Variants in GYS2 observed in about 807,000 individuals in gnomAD.
The protein encoded by GYS2 is glycogen [starch] synthase, liver.
A neutral mutation model predicts 85.6 loss-of-function variants in GYS2; 80 were observed. The observed-to-expected ratio is 0.93, with a 90% CI of 0.78 to 1.13. The LOEUF (loss-of-function observed/expected upper bound fraction) is 1.13, where lower values mean the gene tolerates loss of function less well. Among genes scored for constraint, GYS2 ranks in the 50% most tolerant of loss-of-function variants. The pLI is 0.00. For missense variants in GYS2, 881 were observed against 854.9 expected (o/e 1.03, Z -0.38); for synonymous variants, 328 against 300.7 (o/e 1.09, Z -0.94).
In GYS2 at chr12:21,542,532, A is replaced by C; in HGVS notation, c.1609T>G (p.Phe537Val). Residue 537 changes from phenylalanine to valine, a missense_variant, in exon 13 of 16, where the codon TTC becomes GTC. Coordinates refer to ENST00000261195, the MANE Select transcript of GYS2 (RefSeq NM_021957.4). ...GGATCAGCCACGTGCTCCTGCATGAAACAGCCAAACCCGGAGAGATTCGTG... is the reference window on the plus strand; with the variant it reads ...GGATCAGCCACGTGCTCCTGCATGACACAGCCAAACCCGGAGAGATTCGTG... ...VTTNLSGFGC[F>V]MQEHVADPTA... 6.2e-7 allele frequency: 1 copy of C among 1,613,824 alleles called. No homozygotes were observed. Among genetic ancestry groups the C allele is most frequent in the Non-Finnish European group, 8.5e-7 (1 of 1,179,722 alleles).
At chr12:21,557,589 T>C (rs1944195591) in intron 11 of GYS2, among the ~76,000 whole-genome samples, 2 of 152,178 alleles carry the variant, frequency 1.3e-5, no homozygotes, top group South Asian at 2.1e-4. Context: ...CTTAGAATAA[T>C]TGGTATCATT....
Position 21,559,122 on chromosome 12 carries a change from G to A in GYS2, c.1277C>T (p.Thr426Ile), listed in dbSNP as rs150557084. Residue 426 changes from threonine (T) to isoleucine (I), a missense_variant, in exon 10 of 16, where the codon ACA (threonine) becomes ATA (isoleucine). Physicochemically the swap from Thr to Ile is moderately conservative, Grantham distance 89. Coordinates refer to ENST00000261195, the MANE Select transcript of GYS2 (RefSeq NM_021957.4). The stretch of plus-strand genomic sequence containing the variant: ...TGAAAAGATGGCTCTTTTCATAATT[G>A]TTAGATCATCTCGATCTAAAATATC... ...LNDILDRDDLTIMKRAIFSTQ... is the reference protein window; with the variant it reads ...LNDILDRDDLIIMKRAIFSTQ... 58 of 1,608,170 alleles carry A rather than the reference G, an allele frequency of 3.6e-5. No homozygotes were observed. The highest frequency in any genetic ancestry group is 4.7e-5 in the Non-Finnish European group (55 of 1,175,606).
intron 1 of GYS2, among the ~76,000 whole-genome samples, chr12:21,590,798 T>C (rs186661217): frequency 6.6e-5 from 10 of 152,258 alleles, no homozygotes; most frequent in African/African-American, 2.4e-4. Context: ...TATTCTTGTC[T>C]CCAGCACAAC....
rs1185734628 is a variant in GYS2, at chr12:21,575,983, A to G, written c.378T>C (p.Asn126=). The change falls in exon 3 of 16, where the codon AAT becomes AAC. Residue 126 remains asparagine, a synonymous_variant. Transcript: ENST00000261195. ...AGAGGTCACCCTTCCACCTGTCCAG[A>G]TTCCAAGCTGAATAGCCTATGTCAA... ...VLFDIGYSAW[N]LDRWKGDLWE... 3 of 1,613,798 alleles carry G rather than the reference A, an allele frequency of 1.9e-6. No individual in the cohort carries two copies. The Admixed American group carries it at 5.0e-5, about 27-fold the overall frequency.
intron 1 of GYS2, among the ~76,000 whole-genome samples, chr12:21,583,193 A>G (rs1297787968): frequency 6.6e-6 from 1 of 152,220 alleles, no homozygotes; most frequent in Non-Finnish European, 1.5e-5. Flanking sequence ...TTGATGAGAC[A>G]TTTGTGGGAC....
intron 2 of GYS2, among the ~76,000 whole-genome samples, chr12:21,579,236 T>G (rs1944480165): frequency 6.6e-6 from 1 of 152,206 alleles, no homozygotes; most frequent in Non-Finnish European, 1.5e-5. Context: ...TAAAACAAAT[T>G]TATTATCTTA....
At chr12:21,601,056 C>A (rs1387451860) in intron 1 of GYS2, among the ~76,000 whole-genome samples, 1 of 152,100 alleles carries the variant, frequency 6.6e-6, no homozygotes, top group East Asian at 1.9e-4. Context: ...TTATGTGTGA[C>A]AACATTTATT....
At chr12:21,588,363 A>G (rs1775206489) in intron 1 of GYS2, among the ~76,000 whole-genome samples, 1 of 152,268 alleles carries the variant, frequency 6.6e-6, no homozygotes, top group Admixed American at 6.5e-5. Flanking sequence ...TGGAGACATT[A>G]CTTTTAGCCT....
intron 12 of GYS2, 104 bp from the exon 13 acceptor site, chr12:21,542,695 T>A: frequency 1.4e-6 from 1 of 736,334 alleles, no homozygotes; most frequent in East Asian, 2.7e-5. Context: ...ATAGCAATGT[T>A]CACTATGTGT....
rs1944347624 is a variant in GYS2, at chr12:21,568,373, T to A, written c.823+492A>T. Among the ~76,000 whole-genome samples, 5 of 152,116 alleles carry A rather than the reference T, an allele frequency of 3.3e-5. 1 individual carries two copies. The highest frequency in any genetic ancestry group is 2.0e-4 in the Admixed American group (3 of 15,264). ...CAGGGCCATGTCTTATGAGCATGAGTTCTTCACATTGCAAGCTCTGGTTGG... is the reference window on the plus strand; with the variant it reads ...CAGGGCCATGTCTTATGAGCATGAGATCTTCACATTGCAAGCTCTGGTTGG... On this transcript the variant is annotated intron_variant, in intron 5 of 15. Coordinates refer to ENST00000261195, the MANE Select transcript of GYS2 (RefSeq NM_021957.4).
At chr12:21,537,249 C>A (rs567523097) in intron 15 of GYS2, 74 bp from the exon 16 acceptor site, 2 of 1,011,844 alleles carry the variant, frequency 2.0e-6, no homozygotes, top group African/African-American at 1.6e-5. Context: ...ACTATGCATG[C>A]ACTATCAATT....
At chr12:21,551,706 A>G (rs1944112859) in intron 11 of GYS2, among the ~76,000 whole-genome samples, 1 of 152,210 alleles carries the variant, frequency 6.6e-6, no homozygotes, top group South Asian at 2.1e-4. Context: ...TGGCAAAGTA[A>G]AAGTGAATAC....
At chr12:21,588,961 A>G (rs536292095) in intron 1 of GYS2, among the ~76,000 whole-genome samples, 30 of 152,342 alleles carry the variant, frequency 2.0e-4, no homozygotes, top group South Asian at 1.9e-3. Context: ...CTTCAAAACC[A>G]CTATCCACAA....
chr12:21,586,582 A>T (rs918604173), intron 1 of GYS2, among the ~76,000 whole-genome samples: 2 of 152,142 alleles, frequency 1.3e-5, no homozygotes, highest in East Asian at 3.9e-4. Context: ...AAAGTTCAAC[A>T]TCACTAATAA....
chr12:21,542,858 C>G (rs555798336), intron 12 of GYS2, among the ~76,000 whole-genome samples: 1 of 152,290 alleles, frequency 6.6e-6, no homozygotes, highest in Admixed American at 6.5e-5. Flanking sequence ...AGCCAGGGTT[C>G]GTGGTATAGC....
chr12:21,581,019 A>G (rs917803474), intron 1 of GYS2, among the ~76,000 whole-genome samples: 7 of 152,130 alleles, frequency 4.6e-5, no homozygotes, highest in African/African-American at 1.7e-4. Context: ...GAAATCTCCT[A>G]AGCTACATAG....
intron 1 of GYS2, among the ~76,000 whole-genome samples, chr12:21,604,090 T>C (rs1944781195): frequency 6.6e-6 from 1 of 152,172 alleles, no homozygotes; most frequent in African/African-American, 2.4e-5. Flanking sequence ...TCCAACTGGT[T>C]CTAATCACAT....
At chr12:21,553,942 T>G (rs758747448) in intron 11 of GYS2, among the ~76,000 whole-genome samples, 6 of 152,220 alleles carry the variant, frequency 3.9e-5, no homozygotes, top group African/African-American at 7.2e-5. Flanking sequence ...ATGTATGTAT[T>G]CCTTTTTCTC....
At chr12:21,579,353 T>C (rs1280533781) in intron 2 of GYS2, among the ~76,000 whole-genome samples, 5 of 143,912 alleles carry the variant, frequency 3.5e-5, no homozygotes, top group African/African-American at 7.6e-5. Context: ...CTTCTTCTTT[T>C]TTTTTTTTTT....
Sources: gnomAD v4.1 joint callset for allele counts (sites outside exome capture counted in the v4.1 genomes callset) on GRCh38, gnomAD v4.1.1 for gene constraint, MANE v1.5 for transcripts, NCBI Gene and HGNC (gene_info 2026-07-23, HGNC 2026-07-21) for gene names.